The following SH3GL3 variants were observed in gnomAD, a reference collection of about 807,000 sequenced individuals.
SH3GL3 encodes endophilin-A3.
SH3GL3 carries 33 observed loss-of-function variants against 47.7 expected under a neutral mutation model. The observed-to-expected ratio is 0.69, with a 90% CI of 0.52 to 0.92. SH3GL3 has a LOEUF of 0.92. Among genes scored for constraint, SH3GL3 ranks in the 40% least tolerant of loss-of-function variants. SH3GL3 has a pLI of 0.00. For missense variants in SH3GL3, 363 were observed against 417.8 expected, an observed-to-expected ratio of 0.87 and a Z score of 1.14; for synonymous variants, 155 against 148.8, an observed-to-expected ratio of 1.04 and a Z score of -0.30.
At chr15:83,630,491 A>AG in the SH3GL3 span, among the ~76,000 whole-genome samples, 1 of 152,158 alleles carries the variant, frequency 6.6e-6, no homozygotes, top group Non-Finnish European at 1.5e-5. Context: ...TAATTTATAA[A>AG]GGAAAGAGGT....
At chr15:83,520,126 G>T (rs759731945) in intron 1 of SH3GL3, among the ~76,000 whole-genome samples, 15 of 152,174 alleles carry the variant, frequency 9.9e-5, no homozygotes, top group Non-Finnish European at 1.6e-4. Flanking sequence ...TACACCTGGA[G>T]TGAACTGTGT....
intron 8 of SH3GL3, among the ~76,000 whole-genome samples, chr15:83,611,071 T>A (rs959253068): frequency 6.6e-6 from 1 of 150,480 alleles, no homozygotes; most frequent in Non-Finnish European, 1.5e-5. Context: ...ATAAGTGGAG[T>A]TGGGGGAGGG....
At chr15:83,541,402 C>T (rs1286323071) in intron 1 of SH3GL3, among the ~76,000 whole-genome samples, 1 of 132,732 alleles carries the variant, frequency 7.5e-6, no homozygotes, top group East Asian at 2.5e-4. Flanking sequence ...GGCGCGATCT[C>T]GGCTCACTGC....
chr15:83,615,422 C>A (rs896953322), intron 8 of SH3GL3, among the ~76,000 whole-genome samples: 14 of 152,148 alleles, frequency 9.2e-5, no homozygotes, highest in African/African-American at 3.4e-4. Context: ...TCAAGTGATC[C>A]TCCTGCCTCA....
intron 1 of SH3GL3, among the ~76,000 whole-genome samples, chr15:83,463,094 T>C (rs545335271): frequency 6.6e-6 from 1 of 152,334 alleles, no homozygotes; most frequent in Admixed American, 6.5e-5. Context: ...GAAGGGCTCA[T>C]GCTTGCATAT....
chr15:83,481,074 G>A (rs548829224), intron 1 of SH3GL3, among the ~76,000 whole-genome samples: 7 of 152,042 alleles, frequency 4.6e-5, no homozygotes, highest in African/African-American at 1.5e-4. Flanking sequence ...TTAGGAGTTC[G>A]AGACCAGGCT....
chr15:83,485,143 T>C (rs1474104445), intron 1 of SH3GL3, among the ~76,000 whole-genome samples: 1 of 152,196 alleles, frequency 6.6e-6, no homozygotes, highest in African/African-American at 2.4e-5. Flanking sequence ...TGAATCTCTT[T>C]CCATTAATTT....
At chr15:83,497,501 A>AT (rs1172226303) in intron 1 of SH3GL3, among the ~76,000 whole-genome samples, 4 of 151,880 alleles carry the variant, frequency 2.6e-5, no homozygotes, top group East Asian at 1.9e-4. Context: ...TTCCAAACAT[A>AT]TTTTTTTGTC....
At chr15:83,620,754 G>A (rs1284046032), downstream of SH3GL3, among the ~76,000 whole-genome samples, 4 of 152,214 alleles carry the variant, frequency 2.6e-5, no homozygotes, top group South Asian at 6.2e-4. Context: ...AAAGTCACTA[G>A]TTGTATTAAC....
intron 5 of SH3GL3, 36 bp downstream of exon 5, chr15:83,572,734 C>T (rs773257730): frequency 6.8e-7 from 1 of 1,474,160 alleles, no homozygotes; most frequent in South Asian, 1.2e-5. Flanking sequence ...CCTGTTGCTA[C>T]ATAAGATGAT....
At chr15:83,578,164 G>A (rs1425555409) in intron 6 of SH3GL3, among the ~76,000 whole-genome samples, 1 of 152,148 alleles carries the variant, frequency 6.6e-6, no homozygotes, top group Admixed American at 6.5e-5. Flanking sequence ...TAAGGAGGAC[G>A]GTGACTCCTG....
intron 1 of SH3GL3, among the ~76,000 whole-genome samples, chr15:83,488,859 G>T (rs1250293082): frequency 6.6e-6 from 1 of 152,140 alleles, no homozygotes; most frequent in African/African-American, 2.4e-5. Flanking sequence ...CATAACTCTT[G>T]CTACCCCTTT....
chr15:83,621,694 GT>G (rs1260307586), downstream of SH3GL3, among the ~76,000 whole-genome samples: 1 of 152,192 alleles, frequency 6.6e-6, no homozygotes, highest in Non-Finnish European at 1.5e-5. Context: ...CCTTCGAAGA[GT>G]TTACAAACCT....
chr15:83,568,726 TA>T, intron 4 of SH3GL3, 54 bp downstream of exon 4: 1 of 1,383,826 alleles, frequency 7.2e-7, no homozygotes, highest in Admixed American at 1.8e-5. Flanking sequence ...AGTATGGTTT[TA>T]GGTTATACAC....
intron 1 of SH3GL3, among the ~76,000 whole-genome samples, chr15:83,463,612 T>C (rs2040411193): frequency 6.6e-6 from 1 of 152,114 alleles, no homozygotes; most frequent in Non-Finnish European, 1.5e-5. Flanking sequence ...CTTTTTTAGC[T>C]TGATGCCATC....
intron 1 of SH3GL3, among the ~76,000 whole-genome samples, chr15:83,496,632 T>C (rs1359343375): frequency 6.6e-6 from 1 of 152,114 alleles, no homozygotes; most frequent in African/African-American, 2.4e-5. Flanking sequence ...TTATATTGAT[T>C]TCCTCTCTTA....
intron 6 of SH3GL3, among the ~76,000 whole-genome samples, chr15:83,585,778 G>A (rs548331970): frequency 2.2e-4 from 34 of 152,250 alleles, no homozygotes; most frequent in Admixed American, 6.5e-4. Flanking sequence ...TTCATTGTTC[G>A]GATGCTGATC....
At chr15:83,474,671 A>T (rs961101454) in intron 1 of SH3GL3, among the ~76,000 whole-genome samples, 2 of 152,162 alleles carry the variant, frequency 1.3e-5, no homozygotes, top group Non-Finnish European at 2.9e-5. Context: ...CTCTGTAGAG[A>T]TAACTCCTGG....
intron 1 of SH3GL3, among the ~76,000 whole-genome samples, chr15:83,507,713 C>T (rs1308522702): frequency 1.3e-5 from 2 of 152,028 alleles, no homozygotes; most frequent in Admixed American, 1.3e-4. Context: ...CCGCGCCTGG[C>T]CTCATTCATT....
Sources: allele counts gnomAD v4.1 joint callset (sites outside exome capture counted in the v4.1 genomes callset), GRCh38; gene constraint gnomAD v4.1.1; transcripts MANE v1.5; gene names NCBI Gene and HGNC (gene_info 2026-07-23, HGNC 2026-07-21).